RNF13: variants seen among roughly 807,000 people sequenced by gnomAD.
RNF13 encodes the protein ring finger protein 13.
RNF13 carries 19 observed loss-of-function variants against 37.7 expected under a neutral mutation model. That is an observed-to-expected ratio of 0.50 (90% CI 0.35 to 0.74). RNF13 has a LOEUF of 0.74. RNF13 is among the 30% of genes least tolerant of loss of function. The probability of loss-of-function intolerance (pLI) is 0.01; values close to 1 mark genes in which losing one functional copy is unlikely to be tolerated. For missense variants in RNF13, 375 were observed against 453.0 expected, an observed-to-expected ratio of 0.83 and a Z score of 1.56; for synonymous variants, 144 against 157.8, an observed-to-expected ratio of 0.91 and a Z score of 0.65.
At chr3:149,836,282 AC>A (rs776503673) in intron 1 of RNF13, among the ~76,000 whole-genome samples, 4 of 152,180 alleles carry the variant, frequency 2.6e-5, no homozygotes, top group Non-Finnish European at 5.9e-5. Flanking sequence ...TAAAAAATGA[AC>A]ATAGGAGCTG....
chr3:149,823,304 A>G (rs569719845), intron 1 of RNF13, among the ~76,000 whole-genome samples: 1 of 152,290 alleles, frequency 6.6e-6, no homozygotes, highest in East Asian at 1.9e-4. Context: ...AATAATGTAT[A>G]TTAAGGACTT....
At chr3:149,885,378 C>T (rs982344977) in intron 4 of RNF13, among the ~76,000 whole-genome samples, 1 of 152,134 alleles carries the variant, frequency 6.6e-6, no homozygotes, top group Admixed American at 6.6e-5. Context: ...TCTCCACATA[C>T]TCTCCAGCAT....
intron 3 of RNF13, among the ~76,000 whole-genome samples, chr3:149,865,491 A>AGG (rs1398670818): frequency 2.0e-5 from 3 of 151,746 alleles, no homozygotes; most frequent in Admixed American, 1.3e-4. Flanking sequence ...TGAGAGAGAG[A>AGG]GTCTCACTCT....
chr3:149,816,782 A>G (rs1214764348), intron 1 of RNF13, among the ~76,000 whole-genome samples: 1 of 152,248 alleles, frequency 6.6e-6, no homozygotes, highest in Non-Finnish European at 1.5e-5. Flanking sequence ...ATGGATAATA[A>G]TTTGTGAACA....
At chr3:149,878,022 T>C (rs1712946975) in intron 4 of RNF13, among the ~76,000 whole-genome samples, 1 of 152,192 alleles carries the variant, frequency 6.6e-6, no homozygotes, top group African/African-American at 2.4e-5. Context: ...GAAGGTAATC[T>C]TTCATGAAAG....
At chr3:149,922,083 C>T (rs1718189245) in intron 8 of RNF13, among the ~76,000 whole-genome samples, 2 of 152,148 alleles carry the variant, frequency 1.3e-5, no homozygotes, top group African/African-American at 2.4e-5. Context: ...AAGAGATTCT[C>T]CTGCCTCAGC....
intron 1 of RNF13, among the ~76,000 whole-genome samples, chr3:149,837,057 T>G (rs1721693527): frequency 6.6e-6 from 1 of 152,144 alleles, no homozygotes; most frequent in Non-Finnish European, 1.5e-5. Context: ...AGGGATGGAT[T>G]GTGGTAATAT....
intron 1 of RNF13, among the ~76,000 whole-genome samples, chr3:149,840,704 G>A (rs771919912): frequency 8.5e-5 from 13 of 152,294 alleles, no homozygotes; most frequent in South Asian, 2.1e-4. Flanking sequence ...GTCCACCTGC[G>A]TGGTCAGGGG....
intron 5 of RNF13, among the ~76,000 whole-genome samples, chr3:149,901,119 A>G (rs1477851152): frequency 6.6e-6 from 1 of 152,218 alleles, no homozygotes; most frequent in African/African-American, 2.4e-5. Context: ...CACAACTTAC[A>G]GAACTGCTTA....
intron 1 of RNF13, among the ~76,000 whole-genome samples, chr3:149,829,611 C>CA (rs1352301916): frequency 6.6e-6 from 1 of 152,012 alleles, no homozygotes; most frequent in African/African-American, 2.4e-5. Context: ...TGCTTTCTTG[C>CA]AAAAAATATT....
chr3:149,826,095 G>A (rs1720475959), intron 1 of RNF13, among the ~76,000 whole-genome samples: 1 of 152,172 alleles, frequency 6.6e-6, no homozygotes, highest in East Asian at 1.9e-4. Flanking sequence ...GGCTCCAGCA[G>A]ATAGATCTGA....
intron 8 of RNF13, among the ~76,000 whole-genome samples, chr3:149,929,050 TATAG>T (rs1718925231): frequency 6.6e-6 from 1 of 152,222 alleles, no homozygotes; most frequent in African/African-American, 2.4e-5. Flanking sequence ...TGGATTTGTA[TATAG>T]CTCTGGTAGC....
chr3:149,960,002 C>A (rs967370539), intron 8 of RNF13, 54 bp from the exon 9 acceptor site: 3 of 1,231,414 alleles, frequency 2.4e-6, no homozygotes, highest in Admixed American at 3.5e-5. Context: ...TGAGGACTAA[C>A]TTGAAAAGTT....
rs1576571747 is a variant in RNF13 at position 149,939,667 on chromosome 3, A to G, written c.700+18440A>G. The G allele has an allele frequency of 6.7e-6, 5 of 749,840 alleles. No individual in the cohort carries two copies. The East Asian group carries it at 1.6e-4, about 24-fold the overall frequency. The allele number at this position is 749,840 out of a possible 1,614,324, so 46.4% of individuals were successfully genotyped here. On this transcript the variant is annotated intron_variant, in intron 8 of 9. Transcript: ENST00000392894. ...TCCAGTCCCTGAAATCACCGTTCTTAAAGATAACTGGTGCTCATTTTCATC... is the reference window on the plus strand; with the variant it reads ...TCCAGTCCCTGAAATCACCGTTCTTGAAGATAACTGGTGCTCATTTTCATC...
At chr3:149,871,405 T>G (rs1338936065) in intron 3 of RNF13, among the ~76,000 whole-genome samples, 2 of 150,242 alleles carry the variant, frequency 1.3e-5, no homozygotes, top group Non-Finnish European at 3.0e-5. Flanking sequence ...GCTGTTTACT[T>G]TTTAAATTCA....
intron 6 of RNF13, among the ~76,000 whole-genome samples, chr3:149,910,544 A>G (rs1041536622): frequency 1.3e-5 from 2 of 152,314 alleles, no homozygotes; most frequent in East Asian, 3.9e-4. Flanking sequence ...TCGGAAAAAA[A>G]TAAGTTGCAT....
At chr3:149,858,643 C>T (rs1723899464) in intron 3 of RNF13, among the ~76,000 whole-genome samples, 1 of 152,122 alleles carries the variant, frequency 6.6e-6, no homozygotes, top group South Asian at 2.1e-4. Context: ...AGGGTATATT[C>T]TTTATGTTGA....
At chr3:149,818,960 A>G (rs1319878415) in intron 1 of RNF13, among the ~76,000 whole-genome samples, 4 of 152,178 alleles carry the variant, frequency 2.6e-5, no homozygotes, top group African/African-American at 7.2e-5. Flanking sequence ...TGGCTTATCT[A>G]TGAGGTTGGA....
At chr3:149,852,901 TACACACAC>T (rs1340771020) in intron 3 of RNF13, among the ~76,000 whole-genome samples, 2 of 151,788 alleles carry the variant, frequency 1.3e-5, no homozygotes, top group African/African-American at 4.8e-5. Flanking sequence ...TATATATATG[TACACACAC>T]ATTTACATAT....
Sources: allele counts gnomAD v4.1 joint callset (sites outside exome capture counted in the v4.1 genomes callset), GRCh38; gene constraint gnomAD v4.1.1; transcripts MANE v1.5; gene names NCBI Gene and HGNC (gene_info 2026-07-23, HGNC 2026-07-21).